GARIN2: variants seen among roughly 807,000 people sequenced by gnomAD.
GARIN2 encodes golgi associated RAB2 interactor family member 2, also known as Golgi-associated RAB2 interactor protein 2.
the GARIN2 span, among the ~76,000 whole-genome samples, chr14:67,190,014 A>ATTTT: frequency 1.8e-5 from 2 of 113,230 alleles, no homozygotes; most frequent in African/African-American, 6.6e-5. Context: ...CTAATTTTGT[A>ATTTT]TTTTTTTTTT....
the GARIN2 span, among the ~76,000 whole-genome samples, chr14:67,227,226 G>T: frequency 6.6e-6 from 1 of 151,992 alleles, no homozygotes; most frequent in Non-Finnish European, 1.5e-5. Flanking sequence ...TGGATCACGA[G>T]GTCAGGAGTT....
chr14:67,190,851 A>G, the GARIN2 span, among the ~76,000 whole-genome samples: 1 of 152,226 alleles, frequency 6.6e-6, no homozygotes, highest in African/African-American at 2.4e-5. Context: ...TAAATGCCAC[A>G]CTTCAAAGTG....
chr14:67,208,231 G>A, the GARIN2 span: 1 of 1,613,866 alleles, frequency 6.2e-7, no homozygotes, highest in Non-Finnish European at 8.5e-7. Context: ...TGAAGCCTGG[G>A]TGTTTACAAG....
At chr14:67,225,234 G>A in the GARIN2 span, 2 of 1,523,302 alleles carry the variant, frequency 1.3e-6, no homozygotes, top group Non-Finnish European at 1.8e-6. Flanking sequence ...AAAAGACAAA[G>A]TTGATGGAAA....
chr14:67,220,611 T>G, the GARIN2 span, among the ~76,000 whole-genome samples: 1 of 152,226 alleles, frequency 6.6e-6, no homozygotes, highest in African/African-American at 2.4e-5. Context: ...AGAATTTACT[T>G]TATAAAACAT....
At chr14:67,193,137 G>A in the GARIN2 span, among the ~76,000 whole-genome samples, 20,544 of 127,776 alleles carry the variant, frequency 0.16, 3,366 homozygotes, top group East Asian at 0.42. Context: ...TCTCTATATA[G>A]ACATCTATCT....
the GARIN2 span, among the ~76,000 whole-genome samples, chr14:67,215,143 A>G: frequency 6.6e-6 from 1 of 152,176 alleles, no homozygotes; most frequent in South Asian, 2.1e-4. Flanking sequence ...AGCCAGTCAT[A>G]TCTATCAAGC....
the GARIN2 span, chr14:67,198,048 A>C: frequency 1.5e-6 from 2 of 1,305,122 alleles, no homozygotes; most frequent in African/African-American, 3.0e-5. Context: ...ATATTGATAA[A>C]ATTTGCTGAA....
the GARIN2 span, among the ~76,000 whole-genome samples, chr14:67,206,411 G>C: frequency 6.6e-6 from 1 of 152,038 alleles, no homozygotes; most frequent in East Asian, 1.9e-4. Flanking sequence ...CAGGAGAATT[G>C]TTTGAAACCG....
chr14:67,213,517 G>GTTTT, the GARIN2 span, among the ~76,000 whole-genome samples: 2 of 151,608 alleles, frequency 1.3e-5, no homozygotes, highest in Non-Finnish European at 2.9e-5. Context: ...TGGCTGCATA[G>GTTTT]TATTCCATGG....
chr14:67,217,162 T>C, the GARIN2 span, among the ~76,000 whole-genome samples: 1 of 144,730 alleles, frequency 6.9e-6, no homozygotes, highest in Non-Finnish European at 1.5e-5. Flanking sequence ...AATGACTTTC[T>C]TCATCTTTTT....
the GARIN2 span, chr14:67,222,022 T>C: frequency 3.6e-6 from 2 of 553,828 alleles, no homozygotes; most frequent in East Asian, 6.2e-5. Context: ...TGGAAAACAT[T>C]ATGGTACTTT....
At chr14:67,189,965 C>T in the GARIN2 span, among the ~76,000 whole-genome samples, 7 of 150,780 alleles carry the variant, frequency 4.6e-5, no homozygotes, top group Admixed American at 3.3e-4. Flanking sequence ...CTCAGCCTCC[C>T]GAGTAGCTGG....
the GARIN2 span, among the ~76,000 whole-genome samples, chr14:67,192,472 G>C: frequency 6.6e-6 from 1 of 151,962 alleles, no homozygotes; most frequent in South Asian, 2.1e-4. Context: ...TTGGATCAGA[G>C]GGTGGGGTCT....
At chr14:67,192,631 T>A in the GARIN2 span, among the ~76,000 whole-genome samples, 4 of 151,826 alleles carry the variant, frequency 2.6e-5, no homozygotes, top group African/African-American at 9.7e-5. Flanking sequence ...GTTTAACCAC[T>A]GGCCACAATT....
the GARIN2 span, among the ~76,000 whole-genome samples, chr14:67,193,044 A>G: frequency 6.9e-6 from 1 of 145,424 alleles, no homozygotes; most frequent in Admixed American, 6.9e-5. Flanking sequence ...CAATATCTAG[A>G]TATAGATATA....
At chr14:67,207,693 G>A in the GARIN2 span, among the ~76,000 whole-genome samples, 1 of 152,114 alleles carries the variant, frequency 6.6e-6, no homozygotes, top group Non-Finnish European at 1.5e-5. Context: ...GGCTAGGAGA[G>A]GTGAGACATT....
chr14:67,200,309 G>T, the GARIN2 span: 1 of 664,806 alleles, frequency 1.5e-6, no homozygotes, highest in Non-Finnish European at 2.7e-6. Flanking sequence ...GCCCGCTTTG[G>T]AGCCCTCTCC....
At chr14:67,194,105 A>C in the GARIN2 span, among the ~76,000 whole-genome samples, 9 of 152,128 alleles carry the variant, frequency 5.9e-5, no homozygotes, top group Admixed American at 2.0e-4. Flanking sequence ...ACTCACACCT[A>C]TAATCCTAGC....
Sources: allele counts gnomAD v4.1 joint callset (sites outside exome capture counted in the v4.1 genomes callset), GRCh38; gene constraint gnomAD v4.1.1; transcripts MANE v1.5; gene names NCBI Gene and HGNC (gene_info 2026-07-23, HGNC 2026-07-21).